The following PIEZO1 variants were observed in gnomAD, a reference collection of about 807,000 sequenced individuals.
The protein encoded by PIEZO1 is piezo type mechanosensitive ion channel component 1 (Er blood group), also known as piezo-type mechanosensitive ion channel component 1.
Under a neutral mutation model 297.2 loss-of-function variants are expected in PIEZO1, and 296 were observed. The observed-to-expected ratio is 1.00, with a 90% CI of 0.91 to 1.10. PIEZO1 has a LOEUF of 1.10. Among genes scored for constraint, PIEZO1 ranks in the 50% least tolerant of loss-of-function variants. PIEZO1 has a pLI of 0.00. For synonymous variants in PIEZO1, 2,427 were observed against 1,507.5 expected (o/e 1.61, Z -14.13); for missense variants, 5,018 against 3,455.5 (o/e 1.45, Z -11.34).
intron 1 of PIEZO1, among the ~76,000 whole-genome samples, chr16:88,764,942 G>A (rs1907104781): frequency 6.6e-6 from 1 of 152,118 alleles, no homozygotes; most frequent in Non-Finnish European, 1.5e-5. Context: ...AAGAAGCCTG[G>A]CCATTGAAAA....
Position 88,726,708 on chromosome 16 carries a change from G to T in PIEZO1, c.3699+7C>A, listed in dbSNP as rs988130578. On this transcript the variant is annotated splice_region_variant and intron_variant, in intron 25 of 50. Coordinates refer to ENST00000301015, the MANE Select transcript of PIEZO1 (RefSeq NM_001142864.4). ...GGGCGGTGGGTGCGGGGGGGCCGGA[G>T]GCTCACCGACAGCATGTTCTTGGAG... 1 of 1,549,368 alleles carries T rather than the reference G, an allele frequency of 6.5e-7. No individual in the cohort carries two copies. Among genetic ancestry groups the T allele is most frequent in the South Asian group, 1.2e-5 (1 of 84,022 alleles).
rs1332324232 is a variant in PIEZO1 at position 88,732,428 on chromosome 16, C to T, written c.2898G>A (p.Val966=). Residue 966 remains valine, a synonymous_variant, in exon 21 of 51, where the codon GTG becomes GTA. Transcript: ENST00000301015. ...HQLAPLPAQA[V]FASGTRQQLD... ...GCTGCTGGCGGGTGCCGCTGGCAAA[C>T]ACGGCCTGGGCAGGCAGCGGGGCCA... 6.5e-7 allele frequency: 1 copy of T among 1,549,772 alleles called. No homozygotes were observed. The highest frequency in any genetic ancestry group is 8.7e-7 in the Non-Finnish European group (1 of 1,146,546).
intron 1 of PIEZO1, among the ~76,000 whole-genome samples, chr16:88,760,162 G>A (rs894045731): frequency 1.6e-4 from 24 of 149,862 alleles, no homozygotes; most frequent in Middle Eastern, 3.2e-3. Context: ...CGGGGCCTCC[G>A]TGCCCTCAGT....
chr16:88,733,080 G>T, intron 19 of PIEZO1, 198 bp downstream of exon 19: 1 of 606,328 alleles, frequency 1.6e-6, no homozygotes, highest in Non-Finnish European at 2.9e-6. Context: ...ACACCCTTGT[G>T]TGCAGGGAGT....
In PIEZO1 at chr16:88,772,713, A is replaced by AGGTGGC. The variant is rs1907479831; in HGVS notation, c.64+12182_64+12187dup. On this transcript the variant is annotated intron_variant, in intron 1 of 50. Coordinates refer to ENST00000301015, the MANE Select transcript of PIEZO1 (RefSeq NM_001142864.4). ...AGAATCGCTTGAACCTGGGAGGCGA[A>AGGTGGC]GGTGGCAGTGAGCTGAGATCGTGCC... 5.4e-5 allele frequency among the ~76,000 whole-genome samples: 8 copies of AGGTGGC among 148,844 alleles called. 1 individual carries two copies. In the South Asian group the frequency reaches 1.8e-3, roughly 33 times the overall value.
chr16:88,725,306 G>T, intron 29 of PIEZO1, 110 bp downstream of exon 29: 1 of 756,040 alleles, frequency 1.3e-6, no homozygotes, highest in Non-Finnish European at 2.1e-6. Flanking sequence ...GACAGGACAG[G>T]CGGGCTGGGA....
chr16:88,717,416 T>C (rs942420203), intron 44 of PIEZO1: 5 of 645,818 alleles, frequency 7.7e-6, no homozygotes, highest in Admixed American at 6.8e-5. Context: ...TCGTTGATCT[T>C]AGACAAGGGA....
Position 88,731,901 on chromosome 16 carries a change from G to C in PIEZO1, c.3001C>G (p.Leu1001Val), listed in dbSNP as rs550074132. Residue 1001 changes from leucine to valine, a missense_variant, in exon 22 of 51, where the codon CTG (leucine) becomes GTG (valine). By Grantham distance (32) the Leu-to-Val change is conservative. Coordinates refer to ENST00000301015, the MANE Select transcript of PIEZO1 (RefSeq NM_001142864.4). ...TGCCCGATCACGTTCACGGCCATCA[G>C]GAAGCAGATCTGGGGAGGGGAGAGG... ...FYKFGLEICF[L>V]MAVNVIGQRM... The C allele has an allele frequency of 4.3e-5, 47 of 1,103,326 alleles. No homozygotes were observed. The Admixed American group carries it at 8.1e-4, about 19-fold the overall frequency. 68.3% of individuals were successfully genotyped at this position (1,103,326 alleles called of 1,614,324 possible).
chr16:88,725,320 C>G, intron 29 of PIEZO1, 96 bp downstream of exon 29: 1 of 825,394 alleles, frequency 1.2e-6, no homozygotes, highest in African/African-American at 1.7e-5. Flanking sequence ...GCTGGGAGCC[C>G]TGTGGGACGT....
In PIEZO1 at chr16:88,722,283, C is replaced by G. The variant is rs986747916; in HGVS notation, c.4890G>C (p.Glu1630Asp). The G allele has an allele frequency of 6.5e-7, 1 of 1,548,552 alleles. No individual in the cohort carries two copies. Among genetic ancestry groups the G allele is most frequent in the African/African-American group, 1.4e-5 (1 of 73,048 alleles). The change falls in exon 36 of 51, where the codon GAG (glutamate) becomes GAC (aspartate). Residue 1630 changes from glutamate (E) to aspartate (D), a missense_variant. Coordinates refer to ENST00000301015, the MANE Select transcript of PIEZO1 (RefSeq NM_001142864.4). ...GSEEAVTDPG[E>D]REAGASLYQG... is the part of the protein sequence containing the mutation. ...GGTACAGAGAGGCACCAGCCTCACG[C>G]TCCCCGGGGTCGGTGACTGCCTCCT...
intron 1 of PIEZO1, among the ~76,000 whole-genome samples, chr16:88,769,652 CGCAGGGAGCAGA>C (rs763381227): frequency 2.6e-5 from 4 of 152,336 alleles, no homozygotes; most frequent in Non-Finnish European, 5.9e-5. Flanking sequence ...CCAGTCAGCA[CGCAGGGAGCAGA>C]GCAGGGAGAG....
intron 22 of PIEZO1, 78 bp from the exon 23 acceptor site, chr16:88,727,739 G>C (rs1282953973): frequency 2.0e-5 from 13 of 649,550 alleles, no homozygotes; most frequent in Non-Finnish European, 3.3e-5. Context: ...CCGTTGACCC[G>C]AGTCTATCAC....
chr16:88,720,617 G>A lies in PIEZO1; in HGVS notation c.5800C>T (p.Leu1934=). The A allele has an allele frequency of 1.3e-6, 2 of 1,534,948 alleles. No homozygotes were observed. Among genetic ancestry groups the A allele is most frequent in the East Asian group, 5.0e-5 (2 of 40,206 alleles). Residue 1934 remains leucine, a splice_region_variant and synonymous_variant, in exon 40 of 51, where the codon CTG becomes TTG. Coordinates refer to ENST00000301015, the MANE Select transcript of PIEZO1 (RefSeq NM_001142864.4). ...GRRLQGFCLS[L]AQGTYRPLRR... ...CTGCCCCCGGCCGCCATCACTCACAGGGACAGGCAGAAGCCCTGCAGCCGC... is the reference window on the plus strand; with the variant it reads ...CTGCCCCCGGCCGCCATCACTCACAAGGACAGGCAGAAGCCCTGCAGCCGC...
At chr16:88,738,759 C>A in intron 5 of PIEZO1, 23 bp from the exon 6 acceptor site, 2 of 1,521,182 alleles carry the variant, frequency 1.3e-6, no homozygotes, top group Non-Finnish European at 1.8e-6. Context: ...CGGACAGGGG[C>A]AAGGTCAGGT....
intron 36 of PIEZO1, 58 bp from the exon 37 acceptor site, chr16:88,722,124 C>T (rs534205160): frequency 2.0e-5 from 30 of 1,523,444 alleles, no homozygotes; most frequent in African/African-American, 4.1e-5. Context: ...CATGACGGCC[C>T]GATCTGTTGC....
chr16:88,749,538 A>AG (rs1279675456), intron 1 of PIEZO1, 59 bp from the exon 2 acceptor site: 1 of 1,273,382 alleles, frequency 7.9e-7, no homozygotes, highest in African/African-American at 1.5e-5. Context: ...CCCACCCCAG[A>AG]GGACAGCGCA....
intron 2 of PIEZO1, among the ~76,000 whole-genome samples, chr16:88,746,204 T>C (rs933270822): frequency 6.6e-6 from 1 of 151,696 alleles, no homozygotes; most frequent in African/African-American, 2.4e-5. Flanking sequence ...AGACAGAGGA[T>C]GGAGACTACA....
Position 88,723,159 on chromosome 16 carries a change from C to G in PIEZO1, c.4439-8G>C. 3.2e-6 allele frequency: 5 copies of G among 1,549,422 alleles called. No homozygotes were observed. Among genetic ancestry groups the G allele is most frequent in the Non-Finnish European group, 3.5e-6 (4 of 1,146,836 alleles). ...CCTGGCTGGGACCACCTCCTGGGCA[C>G]AGGATGCTGGTGAGTGACTGGCAGT... On this transcript the variant is annotated splice_polypyrimidine_tract_variant and splice_region_variant and intron_variant, in intron 32 of 50. Coordinates refer to ENST00000301015, the MANE Select transcript of PIEZO1 (RefSeq NM_001142864.4).
intron 2 of PIEZO1, chr16:88,743,896 T>C (rs1241165962): frequency 3.3e-6 from 1 of 303,390 alleles, no homozygotes; most frequent in Non-Finnish European, 6.6e-6. Context: ...GCAGGGAGAG[T>C]GGGAAGGAGG....
Sources: allele counts gnomAD v4.1 joint callset (sites outside exome capture counted in the v4.1 genomes callset), GRCh38; gene constraint gnomAD v4.1.1; transcripts MANE v1.5; gene names NCBI Gene and HGNC (gene_info 2026-07-23, HGNC 2026-07-21).